The following CSMD3 variants were observed in gnomAD, a reference collection of about 807,000 sequenced individuals.
CSMD3 encodes the protein CUB and Sushi multiple domains 3, also known as CUB and sushi domain-containing protein 3.
CSMD3 carries 177 observed loss-of-function variants against 435.2 expected under a neutral mutation model. The observed-to-expected ratio is 0.41, with a 90% CI of 0.36 to 0.46. The LOEUF (loss-of-function observed/expected upper bound fraction) is 0.46, where lower values mean the gene tolerates loss of function less well. Among genes scored for constraint, CSMD3 ranks in the 20% least tolerant of loss-of-function variants. CSMD3 has a pLI of 0.34. For missense variants in CSMD3, 4,265 were observed against 4,504.6 expected (o/e 0.95, Z 1.52); for synonymous variants, 1,656 against 1,520.5 (o/e 1.09, Z -2.07).
intron 3 of CSMD3, among the ~76,000 whole-genome samples, chr8:113,269,257 G>C (rs529094398): frequency 6.6e-6 from 1 of 152,074 alleles, no homozygotes; most frequent in Non-Finnish European, 1.5e-5. Flanking sequence ...TACAAGGGAC[G>C]AGAAGGACCT....
At chr8:113,289,554 CAGAGAGAGAGAGAGAG>C (rs66595138) in intron 2 of CSMD3, among the ~76,000 whole-genome samples, 2 of 143,188 alleles carry the variant, frequency 1.4e-5, no homozygotes, top group Non-Finnish European at 3.0e-5. Flanking sequence ...CAGAGAGAGA[CAGAGAGAGAGAGAGAG>C]AGAGAGAGAG....
chr8:113,431,190 C>T lies in CSMD3; in HGVS notation c.178+5487G>A, dbSNP rs924996144. 2.0e-5 allele frequency among the ~76,000 whole-genome samples: 3 copies of T among 152,246 alleles called. No homozygotes were observed. The South Asian group carries it at 6.2e-4, about 32-fold the overall frequency. ...AGAGCAGAAAGATGAATTTGGCAAC[C>T]GCAGTGTCTGTAATGGCACCATTCT... is the stretch of plus-strand genomic sequence containing the variant. On this transcript the variant is annotated intron_variant, in intron 1 of 70. Coordinates refer to ENST00000297405, the MANE Select transcript of CSMD3 (RefSeq NM_198123.2).
At chr8:112,296,915 C>A (rs1309060679) in intron 53 of CSMD3, among the ~76,000 whole-genome samples, 1 of 151,502 alleles carries the variant, frequency 6.6e-6, no homozygotes, top group African/African-American at 2.4e-5. Context: ...CACTATAAAG[C>A]CTTAAGAAAT....
At chr8:112,455,714 C>T (rs1816768724) in intron 32 of CSMD3, among the ~76,000 whole-genome samples, 1 of 151,368 alleles carries the variant, frequency 6.6e-6, no homozygotes, top group South Asian at 2.1e-4. Context: ...GCTCATTTTA[C>T]AGATGAGGAA....
At chr8:112,781,417 C>T (rs2078382889) in intron 13 of CSMD3, among the ~76,000 whole-genome samples, 1 of 152,042 alleles carries the variant, frequency 6.6e-6, no homozygotes. Flanking sequence ...TAAAATAAGG[C>T]ACCCAATAAA....
At position 112,408,998 on chromosome 8, in the gene CSMD3, T is replaced by G. The variant is rs2130078311; in HGVS notation, c.5430A>C (p.Ser1810=). 6.2e-7 allele frequency: 1 copy of G among 1,613,040 alleles called. No individual in the cohort carries two copies. Among genetic ancestry groups the G allele is most frequent in the South Asian group, 1.1e-5 (1 of 91,064 alleles). The change falls in exon 33 of 71, where the codon TCA becomes TCC. Residue 1810 remains serine (S), a synonymous_variant. Coordinates refer to ENST00000297405, the MANE Select transcript of CSMD3 (RefSeq NM_198123.2). ...VFGQFVFFQT[S]LHDVVEVYDG... ...CATACACCTCAACAACATCGTGGAG[T>G]GATGTCTGGAAAAATACAAACTGGC...
At chr8:113,285,261 CTTTT>C (rs11420062) in intron 2 of CSMD3, among the ~76,000 whole-genome samples, 1 of 128,136 alleles carries the variant, frequency 7.8e-6, no homozygotes, top group Non-Finnish European at 1.6e-5. Flanking sequence ...TTGGTGACAG[CTTTT>C]TTTTTTTTTT....
rs562189226 is a variant in CSMD3 at position 112,872,196 on chromosome 8, T to C, written c.1634-12930A>G. On this transcript the variant is annotated intron_variant, in intron 10 of 70. Transcript: ENST00000297405. ...CTGGAACTATCAATAAGTAGTTCAG[T>C]TCAATAACATTTAACTGAACATCCC... 2.0e-5 allele frequency among the ~76,000 whole-genome samples: 3 copies of C among 152,064 alleles called. No homozygotes were observed. In the East Asian group the frequency reaches 5.8e-4, roughly 29 times the overall value.
At chr8:112,578,918 G>A (rs1175499371) in intron 23 of CSMD3, among the ~76,000 whole-genome samples, 6 of 151,924 alleles carry the variant, frequency 3.9e-5, no homozygotes, top group Non-Finnish European at 7.4e-5. Flanking sequence ...GGGAGGTGTC[G>A]AGCAATGTAC....
intron 5 of CSMD3, among the ~76,000 whole-genome samples, chr8:113,083,581 C>T (rs533210793): frequency 6.6e-6 from 1 of 151,940 alleles, no homozygotes; most frequent in African/African-American, 2.4e-5. Flanking sequence ...ATACAACTCA[C>T]TGGTATAAAA....
At chr8:112,647,949 A>T (rs2075027477) in intron 19 of CSMD3, among the ~76,000 whole-genome samples, 1 of 152,090 alleles carries the variant, frequency 6.6e-6, no homozygotes, top group African/African-American at 2.4e-5. Context: ...TATGGTAAAA[A>T]CTCAATAAAT....
chr8:112,581,889 T>A (rs1830360772), intron 23 of CSMD3, among the ~76,000 whole-genome samples: 1 of 152,184 alleles, frequency 6.6e-6, no homozygotes, highest in Middle Eastern at 3.4e-3. Flanking sequence ...TCTGATCATA[T>A]GACATTTGAG....
intron 3 of CSMD3, among the ~76,000 whole-genome samples, chr8:113,223,723 C>CA (rs567602862): frequency 3.2e-4 from 47 of 146,454 alleles, no homozygotes; most frequent in African/African-American, 1.1e-3. Context: ...CTTTTTAAGG[C>CA]AAAATCCTAC....
intron 19 of CSMD3, among the ~76,000 whole-genome samples, chr8:112,646,964 C>T (rs564664338): frequency 1.1e-4 from 16 of 152,010 alleles, no homozygotes; most frequent in Non-Finnish European, 2.1e-4. Flanking sequence ...GAACTTAAAA[C>T]GTAGCTGGCA....
At position 113,025,556 on chromosome 8, in the gene CSMD3, G is replaced by A. The variant is rs80176362; in HGVS notation, c.918-6377C>T. Reference sequence around the variant, plus strand: ...AGCTATATTGGTCCAGGAGCATACCGATGCAGTGAATTATCTAGGGTGGAA... The same window carrying A: ...AGCTATATTGGTCCAGGAGCATACCAATGCAGTGAATTATCTAGGGTGGAA... On this transcript the variant is annotated intron_variant, in intron 5 of 70. Coordinates refer to ENST00000297405, the MANE Select transcript of CSMD3 (RefSeq NM_198123.2). Among the ~76,000 whole-genome samples, 593 of 152,242 alleles carry A rather than the reference G, an allele frequency of 3.9e-3. 6 individuals are homozygous for A. Among genetic ancestry groups the A allele is most frequent in the African/African-American group, 0.014 (567 of 41,536 alleles).
intron 16 of CSMD3, among the ~76,000 whole-genome samples, chr8:112,676,399 G>T (rs913821056): frequency 2.6e-5 from 4 of 151,952 alleles, no homozygotes; most frequent in African/African-American, 9.7e-5. Flanking sequence ...ACTAAAATGA[G>T]CCTGAGTAGC....
At chr8:112,823,040 A>G (rs2132443398) in intron 12 of CSMD3, among the ~76,000 whole-genome samples, 1 of 152,162 alleles carries the variant, frequency 6.6e-6, no homozygotes. Flanking sequence ...GTTTGTCACT[A>G]TTTTGTTGAG....
intron 3 of CSMD3, among the ~76,000 whole-genome samples, chr8:113,233,833 A>G (rs570335134): frequency 6.6e-6 from 1 of 152,252 alleles, no homozygotes; most frequent in South Asian, 2.1e-4. Context: ...TTAGGCTGTT[A>G]GCCACAATTT....
chr8:113,060,666 T>C (rs888698118), intron 5 of CSMD3, among the ~76,000 whole-genome samples: 8 of 152,246 alleles, frequency 5.3e-5, no homozygotes, highest in Admixed American at 3.3e-4. Flanking sequence ...TTACAAAAAA[T>C]ATTAAGTTCA....
Sources: gnomAD v4.1 joint callset for allele counts (sites outside exome capture counted in the v4.1 genomes callset) on GRCh38, gnomAD v4.1.1 for gene constraint, MANE v1.5 for transcripts, NCBI Gene and HGNC (gene_info 2026-07-23, HGNC 2026-07-21) for gene names.